Variants in TRAK1 observed in about 807,000 individuals in gnomAD.
TRAK1 encodes the protein trafficking kinesin-binding protein 1.
Under a neutral mutation model 92.1 loss-of-function variants are expected in TRAK1, and 33 were observed. The ratio of observed to expected loss-of-function variants is 0.36; its 90% CI spans 0.27 to 0.48. The LOEUF (loss-of-function observed/expected upper bound fraction) is 0.48, where lower values mean the gene tolerates loss of function less well. Ranked by LOEUF, TRAK1 falls within the 20% of genes least tolerant of loss-of-function variation. TRAK1 has a pLI of 0.99. For missense variants in TRAK1, 1,123 were observed against 1,257.9 expected (o/e 0.89, Z 1.62); for synonymous variants, 521 against 517.3 (o/e 1.01, Z -0.10).
chr3:42,091,447 G>A lies in TRAK1; in HGVS notation c.-23G>A. The A allele has an allele frequency of 1.2e-6, 2 of 1,611,406 alleles. No homozygotes were observed. Among genetic ancestry groups the A allele is most frequent in the South Asian group, 2.2e-5 (2 of 90,670 alleles). On this transcript the variant is annotated 5_prime_UTR_variant, in exon 1 of 16. Transcript: ENST00000327628. ...GGAGGCTCTCTCTGTTCTCTGAAGT[G>A]CCTTTGGAGTTTATGTCTGCACATG...
rs1576602184 is a variant in TRAK1, at chr3:42,144,638, A to G, written c.286+19024A>G. Among the ~76,000 whole-genome samples, 3 of 152,238 alleles carry G rather than the reference A, an allele frequency of 2.0e-5. No homozygotes were observed. In the South Asian group the frequency reaches 6.2e-4, roughly 32 times the overall value. On this transcript the variant is annotated intron_variant, in intron 2 of 15. Coordinates refer to ENST00000327628, the MANE Select transcript of TRAK1 (RefSeq NM_001042646.3). ...GCCAAGTATTATTTAAGGGGTTTCT[A>G]TCAAAACAAAAAAGCAAGCAAATAA...
At chr3:42,036,534 C>T (rs1331407064) in intron 1 of TRAK1, among the ~76,000 whole-genome samples, 1 of 152,198 alleles carries the variant, frequency 6.6e-6, no homozygotes, top group Non-Finnish European at 1.5e-5. Context: ...CCTCTCTGCT[C>T]TTTCCCCACA....
chr3:42,173,761 C>T (rs1400391855), intron 2 of TRAK1, among the ~76,000 whole-genome samples: 1 of 152,254 alleles, frequency 6.6e-6, no homozygotes, highest in Non-Finnish European at 1.5e-5. Flanking sequence ...CTCAGAGCCT[C>T]AGTTTTCTTA....
intron 1 of TRAK1, among the ~76,000 whole-genome samples, chr3:42,064,380 A>AC (rs10666656): frequency 6.6e-6 from 1 of 151,604 alleles, no homozygotes; most frequent in Admixed American, 6.6e-5. Context: ...TAAAAAAAAA[A>AC]ACCTTTAAAA....
intron 3 of TRAK1, among the ~76,000 whole-genome samples, chr3:42,179,912 T>G (rs1400579287): frequency 6.6e-6 from 1 of 152,150 alleles, no homozygotes; most frequent in Non-Finnish European, 1.5e-5. Context: ...CCTTTTTTTT[T>G]GGTAGGGATG....
intron 1 of TRAK1, among the ~76,000 whole-genome samples, chr3:42,017,917 C>T (rs1701585391): frequency 6.6e-6 from 1 of 151,946 alleles, no homozygotes; most frequent in Non-Finnish European, 1.5e-5. Flanking sequence ...TGCCTGTAGG[C>T]AGCCTGTTTG....
intron 6 of TRAK1, among the ~76,000 whole-genome samples, chr3:42,189,578 G>T (rs1223406746): frequency 3.3e-5 from 5 of 152,032 alleles, no homozygotes; most frequent in Non-Finnish European, 5.9e-5. Flanking sequence ...TGTCACCCAG[G>T]CTGGAGTGCA....
chr3:42,163,725 A>G (rs1435485083), intron 2 of TRAK1, among the ~76,000 whole-genome samples: 1 of 152,074 alleles, frequency 6.6e-6, no homozygotes, highest in Admixed American at 6.5e-5. Context: ...CATAGATAAC[A>G]GTGTATCTGC....
chr3:42,125,774 G>C (rs1476827631), intron 2 of TRAK1, among the ~76,000 whole-genome samples, 160 bp downstream of exon 2: 1 of 152,178 alleles, frequency 6.6e-6, no homozygotes, highest in Admixed American at 6.5e-5. Flanking sequence ...CCGCACAAAA[G>C]GTCCCAATTT....
chr3:42,035,089 G>C (rs149625422), intron 1 of TRAK1, among the ~76,000 whole-genome samples: 1 of 152,108 alleles, frequency 6.6e-6, no homozygotes, highest in Non-Finnish European at 1.5e-5. Context: ...CCTGTTATTC[G>C]AGCACCCATA....
chr3:42,114,276 T>A (rs934977400), intron 1 of TRAK1, among the ~76,000 whole-genome samples: 1 of 152,254 alleles, frequency 6.6e-6, no homozygotes, highest in African/African-American at 2.4e-5. Flanking sequence ...AACACGGGTG[T>A]ATAAATATCT....
intron 1 of TRAK1, among the ~76,000 whole-genome samples, chr3:42,046,583 C>T (rs1480506717): frequency 2.0e-5 from 3 of 152,134 alleles, no homozygotes; most frequent in Non-Finnish European, 1.5e-5. Context: ...CCTAGAGTTC[C>T]TCTGACTTTA....
At chr3:42,151,422 A>G (rs1699937025) in intron 2 of TRAK1, 1 of 455,908 alleles carries the variant, frequency 2.2e-6, no homozygotes, top group South Asian at 1.6e-5. Flanking sequence ...AGATGGCTCA[A>G]CTGTTCAAGG....
intron 1 of TRAK1, among the ~76,000 whole-genome samples, chr3:42,111,743 A>G (rs1398170315): frequency 6.6e-6 from 1 of 152,104 alleles, no homozygotes; most frequent in Non-Finnish European, 1.5e-5. Flanking sequence ...TTTTGATTAA[A>G]CCCATATTAT....
intron 2 of TRAK1, among the ~76,000 whole-genome samples, chr3:42,132,422 C>A (rs939507995): frequency 2.0e-5 from 3 of 151,616 alleles, no homozygotes; most frequent in African/African-American, 7.3e-5. Flanking sequence ...GCCACCATGC[C>A]TCGCTAACTT....
At chr3:42,163,928 C>T (rs1701575857) in intron 2 of TRAK1, among the ~76,000 whole-genome samples, 1 of 152,180 alleles carries the variant, frequency 6.6e-6, no homozygotes, top group South Asian at 2.1e-4. Context: ...AAGAAAAACA[C>T]TTGCCAACAT....
chr3:42,092,711 G>GTTA (rs1705247688), intron 1 of TRAK1, among the ~76,000 whole-genome samples: 118 of 101,114 alleles, frequency 1.2e-3, no homozygotes, highest in African/African-American at 2.2e-3. Context: ...GTGTTGTGTT[G>GTTA]TGTTATGTTA....
At chr3:42,211,875 G>A (rs764825483) in intron 14 of TRAK1, 112 of 985,306 alleles carry the variant, frequency 1.1e-4, no homozygotes, top group Non-Finnish European at 1.3e-4. Flanking sequence ...AACATTTATA[G>A]TTGAAACTGT....
At chr3:42,191,518 G>T in intron 6 of TRAK1, 40 bp from the exon 7 acceptor site, 1 of 1,557,128 alleles carries the variant, frequency 6.4e-7, no homozygotes, top group Non-Finnish European at 8.7e-7. Flanking sequence ...CACCAGGCCA[G>T]GTGAGAATGT....
Sources: gnomAD v4.1 joint callset for allele counts (sites outside exome capture counted in the v4.1 genomes callset) on GRCh38, gnomAD v4.1.1 for gene constraint, MANE v1.5 for transcripts, NCBI Gene and HGNC (gene_info 2026-07-23, HGNC 2026-07-21) for gene names.